Variants in EPOR observed in about 807,000 individuals in gnomAD.
EPOR encodes erythropoietin receptor.
A neutral mutation model predicts 34.3 loss-of-function variants in EPOR; 20 were observed. That is an observed-to-expected ratio of 0.58 (90% confidence interval 0.41 to 0.85). The LOEUF (loss-of-function observed/expected upper bound fraction) is 0.85, where lower values mean the gene tolerates loss of function less well. EPOR is among the 40% of genes least tolerant of loss of function. The probability of loss-of-function intolerance (pLI) is 0.00; values close to 1 mark genes in which losing one functional copy is unlikely to be tolerated. For missense variants in EPOR, 601 were observed against 672.7 expected, an observed-to-expected ratio of 0.89 and a Z score of 1.18; for synonymous variants, 312 against 299.0, an observed-to-expected ratio of 1.04 and a Z score of -0.45.
chr19:11,377,259 C>T lies in EPOR; in HGVS notation c.*725G>A, dbSNP rs1459240498. ...TAGTGGCAGAGACTAGCTAGTGGCC[C>T]TTAAACAGCTTTGCCCTTCCTGGGT... On this transcript the variant is annotated 3_prime_UTR_variant, in exon 8 of 8. Coordinates refer to ENST00000222139, the MANE Select transcript of EPOR (RefSeq NM_000121.4). 2.2e-6 allele frequency: 1 copy of T among 453,934 alleles called. No individual in the cohort carries two copies. The highest frequency in any genetic ancestry group is 4.4e-6 in the Non-Finnish European group (1 of 226,796). 28.1% of individuals were successfully genotyped at this position (453,934 alleles called of 1,614,324 possible).
rs767166590 is a variant in EPOR at position 11,382,051 on chromosome 19, C to T, written c.306G>A (p.Ala102=). ...RLHQAPTARG[A]VRFWCSLPTA... ...TAGGCAGCGAACACCAGAAGCGCAC[C>T]GCACCACGAGCCGTGGGAGCCTGGT... Residue 102 remains alanine (A), a synonymous_variant, in exon 3 of 8, where the codon GCG becomes GCA. Coordinates refer to ENST00000222139, the MANE Select transcript of EPOR (RefSeq NM_000121.4). 11 of 1,614,026 alleles carry T rather than the reference C, an allele frequency of 6.8e-6. No homozygotes were observed. The highest frequency in any genetic ancestry group is 4.4e-5 in the South Asian group (4 of 91,080).
At position 11,378,146 on chromosome 19, in the gene EPOR, C is replaced by T. The variant is rs202041743; in HGVS notation, c.1365G>A (p.Leu455=). The change falls in exon 8 of 8, where the codon CTG becomes CTA. Residue 455 remains leucine (L), a synonymous_variant. Transcript: ENST00000222139. The surrounding 1 kb of genome is among the most constrained non-coding windows in gnomAD (Gnocchi z 5.3). ...TGCCAGAGTCAGATACCACAAGGTA[C>T]AGGTACTTTAGGTGGGGTGGGGTAG... ...LPPTPPHLKY[L]YLVVSDSGIS... is the part of the protein sequence containing the mutation. 9.9e-6 allele frequency: 16 copies of T among 1,613,974 alleles called. No individual in the cohort carries two copies. Among genetic ancestry groups the T allele is most frequent in the Non-Finnish European group, 1.4e-5 (16 of 1,180,036 alleles).
At chr19:11,382,495 C>T (rs565950978) in intron 2 of EPOR, among the ~76,000 whole-genome samples, 2 of 152,068 alleles carry the variant, frequency 1.3e-5, no homozygotes, top group African/African-American at 4.8e-5. Context: ...TCCCGAGTAG[C>T]TGGGATCACA....
Position 11,383,141 on chromosome 19 carries a change from G to A in EPOR, c.207C>T (p.Ser69=), listed in dbSNP as rs772690195. Reference sequence around the variant, plus strand: ...TGTAGTTGCCCGGGCCCACCCCAGCGCTCGCCGCTTCCTCCCAGAAACACA... The same window carrying A: ...TGTAGTTGCCCGGGCCCACCCCAGCACTCGCCGCTTCCTCCCAGAAACACA... The part of the protein sequence containing the change: ...DLVCFWEEAA[S]AGVGPGNYSF... The change falls in exon 2 of 8, where the codon AGC becomes AGT. Residue 69 remains serine, a synonymous_variant. Transcript: ENST00000222139. This position sits in a 1 kb window ranked among gnomAD's most constrained non-coding sequence, Gnocchi z 4.9. 1.2e-6 allele frequency: 2 copies of A among 1,613,366 alleles called. No individual in the cohort carries two copies. The highest frequency in any genetic ancestry group is 1.1e-5 in the South Asian group (1 of 91,082).
At chr19:11,380,789 C>T in intron 6 of EPOR, 95 bp downstream of exon 6, 1 of 1,009,612 alleles carries the variant, frequency 9.9e-7, no homozygotes, top group Non-Finnish European at 1.5e-6. Context: ...TGACCTTGGG[C>T]AAGTGCGTGT....
At position 11,382,862 on chromosome 19, in the gene EPOR, G is replaced by C. The variant is rs1472744342; in HGVS notation, c.251+235C>G. The stretch of plus-strand genomic sequence containing the variant: ...AACGCCTTACCCTCGATTTGGAGGC[G>C]TTGTTATCCCAGCCTGATGTTTGGG... On this transcript the variant is annotated intron_variant, in intron 2 of 7. Coordinates refer to ENST00000222139, the MANE Select transcript of EPOR (RefSeq NM_000121.4). 2.0e-6 allele frequency: 3 copies of C among 1,508,028 alleles called. No homozygotes were observed. The South Asian group carries it at 3.6e-5, about 18-fold the overall frequency. The allele number at this position is 1,508,028 out of a possible 1,614,324, so 93.4% of individuals were successfully genotyped here.
chr19:11,382,141 G>A (rs763485317), intron 2 of EPOR, 36 bp from the exon 3 acceptor site: 1 of 1,594,668 alleles, frequency 6.3e-7, no homozygotes, highest in Non-Finnish European at 8.6e-7. Context: ...TTGGGAGGGG[G>A]GACCGGGGAG....
chr19:11,378,062 G>T lies in EPOR; in HGVS notation c.1449C>A (p.Gly483=). The part of the protein sequence containing the change: ...SQGAQGGLSD[G]PYSNPYENSL... ...TGTTCTCATAAGGGTTGGAGTAGGG[G>T]CCATCGGATAAGCCCCCTTGGGCTC... Residue 483 remains glycine (G), a synonymous_variant, in exon 8 of 8, where the codon GGC becomes GGA. Transcript: ENST00000222139. This position sits in a 1 kb window ranked among gnomAD's most constrained non-coding sequence, Gnocchi z 5.3. The T allele has an allele frequency of 2.5e-6, 4 of 1,614,150 alleles. No individual in the cohort carries two copies. Among genetic ancestry groups the T allele is most frequent in the Non-Finnish European group, 3.4e-6 (4 of 1,180,006 alleles).
At chr19:11,380,168 C>T (rs1345118173) in intron 6 of EPOR, among the ~76,000 whole-genome samples, 2 of 152,234 alleles carry the variant, frequency 1.3e-5, no homozygotes, top group Non-Finnish European at 2.9e-5. Flanking sequence ...CCTGACCATC[C>T]TGTCATGTCA....
Position 11,384,194 on chromosome 19 carries a change from C to T in EPOR, c.14G>A (p.Gly5Glu), listed in dbSNP as rs928824171. 1 of 1,545,670 alleles carries T rather than the reference C, an allele frequency of 6.5e-7. No individual in the cohort carries two copies. The highest frequency in any genetic ancestry group is 1.4e-5 in the African/African-American group (1 of 73,000). The change falls in exon 1 of 8, where the codon GGG becomes GAG. Residue 5 changes from glycine to glutamate, a missense_variant. Gly to Glu is a moderately conservative substitution (Grantham distance 98, BLOSUM62 -2). Coordinates refer to ENST00000222139, the MANE Select transcript of EPOR (RefSeq NM_000121.4). ...GCCGACCTGGGGCCAGAGGGACGCC[C>T]CGAGGTGGTCCATGATACAGCCCCC... MDHL[G>E]ASLWPQVGSL... is the part of the protein sequence containing the mutation.
At chr19:11,382,947 GC>G (rs1968383278) in intron 2 of EPOR, 149 bp downstream of exon 2, 3 of 1,555,424 alleles carry the variant, frequency 1.9e-6, no homozygotes, top group Non-Finnish European at 2.6e-6. Flanking sequence ...GGGCGTGCCA[GC>G]CCTGGACCCG....
intron 2 of EPOR, 64 bp from the exon 3 acceptor site, chr19:11,382,169 G>C (rs1968372048): frequency 1.5e-6 from 2 of 1,321,034 alleles, no homozygotes; most frequent in African/African-American, 2.9e-5. Flanking sequence ...TGCCCGGCCT[G>C]TGGGGGGCAG....
At position 11,377,791 on chromosome 19, in the gene EPOR, A is replaced by G. The variant is rs1306381903; in HGVS notation, c.*193T>C. The G allele has an allele frequency of 2.7e-6, 2 of 738,494 alleles. No homozygotes were observed. Among genetic ancestry groups the G allele is most frequent in the South Asian group, 1.4e-5 (1 of 71,346 alleles). 45.7% of individuals were successfully genotyped at this position (738,494 alleles called of 1,614,324 possible). A position where few individuals can be genotyped will look rare whatever the true frequency, so the allele number is the denominator to read the frequency against. On this transcript the variant is annotated 3_prime_UTR_variant, in exon 8 of 8. Coordinates refer to ENST00000222139, the MANE Select transcript of EPOR (RefSeq NM_000121.4). ...CATACATATGTGTATATATATATAT[A>G]GATACAAAAAAAAACTATACATATT...
chr19:11,381,259 C>T lies in EPOR; in HGVS notation c.586-50G>A, dbSNP rs1288956743. Reference sequence around the variant, plus strand: ...ACGCGTAGCAGACAAAAATAGATGACGTGGGGGCGGGCCCTGGTGGAACTG... The same window carrying T: ...ACGCGTAGCAGACAAAAATAGATGATGTGGGGGCGGGCCCTGGTGGAACTG... On this transcript the variant is annotated intron_variant, in intron 4 of 7. Coordinates refer to ENST00000222139, the MANE Select transcript of EPOR (RefSeq NM_000121.4). This position sits in a 1 kb window ranked among gnomAD's most constrained non-coding sequence, Gnocchi z 5.3. 2.6e-6 allele frequency: 4 copies of T among 1,543,718 alleles called. No individual in the cohort carries two copies. The highest frequency in any genetic ancestry group is 4.9e-5 in the East Asian group (2 of 40,886).
Position 11,383,988 on chromosome 19 carries a change from G to A in EPOR, c.115+105C>T. 1 of 808,100 alleles carries A rather than the reference G, an allele frequency of 1.2e-6. No individual in the cohort carries two copies. Among genetic ancestry groups the A allele is most frequent in the Admixed American group, 2.0e-5 (1 of 49,526 alleles). The allele number at this position is 808,100 out of a possible 1,614,324, so 50.1% of individuals were successfully genotyped here. A position where few individuals can be genotyped will look rare whatever the true frequency, so the allele number is the denominator to read the frequency against. On this transcript the variant is annotated intron_variant, in intron 1 of 7. Coordinates refer to ENST00000222139, the MANE Select transcript of EPOR (RefSeq NM_000121.4). This position sits in a 1 kb window ranked among gnomAD's most constrained non-coding sequence, Gnocchi z 4.9. ...AGCTTGGCCCCCAGGACCCGGTCAG[G>A]AAGTCCAGAAACAGGCATGGCCCCC...
Position 11,384,259 on chromosome 19 carries a change from C to A in EPOR, c.-52G>T, listed in dbSNP as rs934683441. On this transcript the variant is annotated 5_prime_UTR_variant, in exon 1 of 8. Coordinates refer to ENST00000222139, the MANE Select transcript of EPOR (RefSeq NM_000121.4). ...AGGGCTCCTGCCCCTCCGTCCCCCGCCCCCGGCACAGTCCACAGCTGGGTC... is the reference window on the plus strand; with the variant it reads ...AGGGCTCCTGCCCCTCCGTCCCCCGACCCCGGCACAGTCCACAGCTGGGTC... 3 of 1,245,066 alleles carry A rather than the reference C, an allele frequency of 2.4e-6. No homozygotes were observed. The highest frequency in any genetic ancestry group is 3.4e-6 in the Non-Finnish European group (3 of 880,682). The allele number at this position is 1,245,066 out of a possible 1,614,324, so 77.1% of individuals were successfully genotyped here.
intron 2 of EPOR, among the ~76,000 whole-genome samples, chr19:11,382,314 C>T (rs939193937): frequency 6.6e-6 from 1 of 151,844 alleles, no homozygotes; most frequent in Non-Finnish European, 1.5e-5. Context: ...GATCCTCCCA[C>T]CTCAGCTTCC....
intron 2 of EPOR, 102 bp from the exon 3 acceptor site, chr19:11,382,207 T>A: frequency 1.1e-6 from 1 of 951,570 alleles, no homozygotes; most frequent in Non-Finnish European, 1.6e-6. Flanking sequence ...AGGTCTAGCC[T>A]TGTGTGTGTG....
At chr19:11,382,976 A>C in intron 2 of EPOR, 121 bp downstream of exon 2, 1 of 1,586,580 alleles carries the variant, frequency 6.3e-7, no homozygotes, top group Non-Finnish European at 8.5e-7. Flanking sequence ...CCCTCCAGTG[A>C]CCACGACTGG....
Sources: allele counts gnomAD v4.1 joint callset (sites outside exome capture counted in the v4.1 genomes callset), GRCh38; gene constraint gnomAD v4.1.1; non-coding constraint Gnocchi (gnomAD v3.1); transcripts MANE v1.5; gene names NCBI Gene and HGNC (gene_info 2026-07-23, HGNC 2026-07-21).